Variants in ACVR1 observed in about 807,000 individuals in gnomAD.
ACVR1 encodes the protein activin receptor type-1.
ACVR1 carries 38 observed loss-of-function variants against 57.1 expected under a neutral mutation model. The ratio of observed to expected loss-of-function variants is 0.67; its 90% confidence interval spans 0.51 to 0.87. The LOEUF (loss-of-function observed/expected upper bound fraction) is 0.87. Ranked by LOEUF, ACVR1 falls within the 40% of genes least tolerant of loss-of-function variation. The probability of loss-of-function intolerance (pLI) is 0.00; values close to 1 mark genes in which losing one functional copy is unlikely to be tolerated. For missense variants in ACVR1, 463 were observed against 638.2 expected (o/e 0.73, Z 2.96); for synonymous variants, 212 against 228.1 (o/e 0.93, Z 0.63).
At chr2:157,794,790 T>C (rs2105299545) in intron 3 of ACVR1, among the ~76,000 whole-genome samples, 1 of 152,260 alleles carries the variant, frequency 6.6e-6, no homozygotes, top group Non-Finnish European at 1.5e-5. Flanking sequence ...GGAAAGCATT[T>C]TCCAAATATA....
intron 3 of ACVR1, among the ~76,000 whole-genome samples, chr2:157,783,633 C>G (rs937807465): frequency 2.0e-5 from 3 of 152,114 alleles, no homozygotes; most frequent in Admixed American, 2.0e-4. Context: ...CCCTCCACAA[C>G]TGGGGAAAAA....
In ACVR1 at chr2:157,854,199, T is replaced by TAAAAAA. The variant is rs398060692; in HGVS notation, c.-183+21591_-183+21596dup. Among the ~76,000 whole-genome samples, 1,099 of 118,368 alleles carry TAAAAAA rather than the reference T, an allele frequency of 9.3e-3. 9 individuals carry two copies. The highest frequency in any genetic ancestry group is 0.03 in the African/African-American group (1,005 of 33,936). The allele number at this position is 118,368 out of a possible 152,430, so 77.7% of individuals were successfully genotyped here. ...ATGAATCAATCAGACCCTAAAGGAG[T>TAAAAAA]AAAAAAAAAAAAAAAAAAGAAGCAT... On this transcript the variant is annotated intron_variant, in intron 1 of 10. Transcript: ENST00000434821.
At chr2:157,847,343 A>G (rs1038105727) in intron 1 of ACVR1, among the ~76,000 whole-genome samples, 3 of 152,208 alleles carry the variant, frequency 2.0e-5, no homozygotes, top group Non-Finnish European at 4.4e-5. Flanking sequence ...GGACATGCCT[A>G]TCAGAGATTG....
intron 3 of ACVR1, among the ~76,000 whole-genome samples, chr2:157,798,293 GT>G (rs1325565543): frequency 2.0e-5 from 3 of 151,696 alleles, no homozygotes; most frequent in East Asian, 1.9e-4. Flanking sequence ...AACGGTTCTG[GT>G]TTTTTTTAAT....
intron 1 of ACVR1, among the ~76,000 whole-genome samples, chr2:157,825,144 G>C (rs1688299148): frequency 6.6e-6 from 1 of 152,036 alleles, no homozygotes. Context: ...TGATTAACTA[G>C]TTTAGGAAGG....
chr2:157,780,675 AATG>A, intron 3 of ACVR1, 75 bp from the exon 4 acceptor site: 1 of 1,550,900 alleles, frequency 6.4e-7, no homozygotes, highest in East Asian at 2.3e-5. Flanking sequence ...TCATTGAGGG[AATG>A]ACCATTCCAA....
At chr2:157,806,944 G>A (rs1456818019) in intron 2 of ACVR1, 3 of 152,136 alleles carry the variant, frequency 2.0e-5, no homozygotes, top group African/African-American at 7.2e-5. Context: ...AATACAAATA[G>A]CTTCTTGGAC....
chr2:157,799,631 T>A, intron 2 of ACVR1, 131 bp from the exon 3 acceptor site: 1 of 698,156 alleles, frequency 1.4e-6, no homozygotes, highest in South Asian at 1.6e-5. Context: ...ATTGCCTTAC[T>A]TCTTACTACA....
intron 1 of ACVR1, among the ~76,000 whole-genome samples, chr2:157,853,261 A>G (rs1250823307): frequency 6.6e-6 from 1 of 152,212 alleles, no homozygotes. Context: ...CCACAGTTCT[A>G]GAGGCTAGAA....
At chr2:157,863,789 C>T (rs1689819156) in intron 1 of ACVR1, among the ~76,000 whole-genome samples, 1 of 151,708 alleles carries the variant, frequency 6.6e-6, no homozygotes, top group Admixed American at 6.6e-5. Context: ...AGAAGAAATG[C>T]ATTTATATTA....
chr2:157,739,624 C>A (rs935491092), intron 9 of ACVR1, among the ~76,000 whole-genome samples: 1 of 151,822 alleles, frequency 6.6e-6, no homozygotes, highest in African/African-American at 2.4e-5. Context: ...TTGGAGGCGA[C>A]AGAAGGAGTG....
chr2:157,773,988 A>G, intron 6 of ACVR1, 100 bp downstream of exon 6: 4 of 967,270 alleles, frequency 4.1e-6, no homozygotes, highest in Non-Finnish European at 4.9e-6. Context: ...ATAAGGAAAC[A>G]ACAGGTAACA....
chr2:157,775,373 T>C (rs1007974427), intron 5 of ACVR1, among the ~76,000 whole-genome samples: 2 of 152,234 alleles, frequency 1.3e-5, no homozygotes, highest in African/African-American at 4.8e-5. Flanking sequence ...GCATAGATTA[T>C]CTGTAATAAA....
intron 3 of ACVR1, 94 bp from the exon 4 acceptor site, chr2:157,780,694 T>C (rs1476987935): frequency 1.4e-6 from 2 of 1,448,566 alleles, no homozygotes; most frequent in Non-Finnish European, 1.9e-6. Context: ...TCCAAACACC[T>C]CTATCAACAG....
At chr2:157,799,361 T>C in intron 3 of ACVR1, 66 bp downstream of exon 3, 1 of 1,079,252 alleles carries the variant, frequency 9.3e-7, no homozygotes, top group Non-Finnish European at 1.4e-6. Context: ...AGAAGTAGTT[T>C]ATAGTAAGCC....
intron 5 of ACVR1, 86 bp from the exon 6 acceptor site, chr2:157,774,273 A>C: frequency 9.2e-7 from 1 of 1,089,066 alleles, no homozygotes; most frequent in Non-Finnish European, 1.4e-6. Context: ...ATTGTAACTC[A>C]CATGAAGGGC....
intron 9 of ACVR1, 140 bp downstream of exon 9, chr2:157,760,740 A>C: frequency 2.5e-6 from 2 of 804,346 alleles, no homozygotes; most frequent in South Asian, 3.4e-5. Context: ...ACCAGCCATA[A>C]ATCAAATATG....
chr2:157,809,544 G>C (rs1166094471), intron 2 of ACVR1, among the ~76,000 whole-genome samples: 1 of 152,098 alleles, frequency 6.6e-6, no homozygotes, highest in African/African-American at 2.4e-5. Context: ...AGGAGGCAGG[G>C]AGAGGTTCTG....
At chr2:157,803,421 G>C (rs1574084025) in intron 2 of ACVR1, among the ~76,000 whole-genome samples, 1 of 152,026 alleles carries the variant, frequency 6.6e-6, no homozygotes, top group Non-Finnish European at 1.5e-5. Context: ...ATCCTGACCA[G>C]TAAACTCAGC....
Sources: allele counts gnomAD v4.1 joint callset (sites outside exome capture counted in the v4.1 genomes callset), GRCh38; gene constraint gnomAD v4.1.1; transcripts MANE v1.5; gene names NCBI Gene and HGNC (gene_info 2026-07-23, HGNC 2026-07-21).